ARFGEF1: variants seen among roughly 807,000 people sequenced by gnomAD.
ARFGEF1 encodes ARF guanine nucleotide exchange factor 1.
A neutral mutation model predicts 231.0 loss-of-function variants in ARFGEF1; 42 were observed. The ratio of observed to expected loss-of-function variants is 0.18; its 90% confidence interval spans 0.14 to 0.24. The LOEUF (loss-of-function observed/expected upper bound fraction) is 0.24, where lower values mean the gene tolerates loss of function less well. ARFGEF1 is among the 10% of genes least tolerant of loss of function. The pLI is 1.00. For synonymous variants in ARFGEF1, 710 were observed against 732.3 expected (o/e 0.97, Z 0.49); for missense variants, 1,345 against 2,192.0 (o/e 0.61, Z 7.72).
intron 33 of ARFGEF1, among the ~76,000 whole-genome samples, chr8:67,214,040 G>A (rs1242968088): frequency 6.6e-6 from 1 of 152,204 alleles, no homozygotes. Flanking sequence ...GAAGAGTTCT[G>A]AGACACATGA....
chr8:67,193,394 G>A (rs902374931), downstream of ARFGEF1: 20 of 1,399,434 alleles, frequency 1.4e-5, no homozygotes, highest in Admixed American at 3.5e-4. Flanking sequence ...ACCATGCCTG[G>A]CCCTGATTCA....
Position 67,198,200 on chromosome 8 carries a change from T to G in ARFGEF1, c.*734A>C. Reference sequence around the variant, plus strand: ...TGTCGGCCACAACAGCTTCTGGGCATGTTACAGCCTCAAAATCACCACCTA... The same window carrying G: ...TGTCGGCCACAACAGCTTCTGGGCAGGTTACAGCCTCAAAATCACCACCTA... On this transcript the variant is annotated 3_prime_UTR_variant, in exon 39 of 39. Transcript: ENST00000262215. 1.0e-6 allele frequency: 1 copy of G among 985,804 alleles called. No homozygotes were observed. The allele number at this position is 985,804 out of a possible 1,614,324, so 61.1% of individuals were successfully genotyped here. A position where few individuals can be genotyped will look rare whatever the true frequency, so the allele number is the denominator to read the frequency against.
At chr8:67,240,873 T>C (rs1839906958) in intron 19 of ARFGEF1, among the ~76,000 whole-genome samples, 1 of 152,204 alleles carries the variant, frequency 6.6e-6, no homozygotes, top group Non-Finnish European at 1.5e-5. Flanking sequence ...AAATACTTAC[T>C]GAAATTTTAC....
chr8:67,318,256 A>G (rs1347378255), intron 1 of ARFGEF1, among the ~76,000 whole-genome samples: 3 of 151,648 alleles, frequency 2.0e-5, no homozygotes, highest in African/African-American at 7.3e-5. Context: ...AAAAAAAAAA[A>G]AAGGCTAAAG....
Position 67,198,338 on chromosome 8 carries a change from A to G in ARFGEF1, c.*596T>C. On this transcript the variant is annotated 3_prime_UTR_variant, in exon 39 of 39. Coordinates refer to ENST00000262215, the MANE Select transcript of ARFGEF1 (RefSeq NM_006421.5). ...ATTTAGCAAATGAATAAGAAAATAA[A>G]GAAAACAGTGCAGGAAGAACTATAT... The G allele has an allele frequency of 2.0e-6, 2 of 984,372 alleles. No homozygotes were observed. Among genetic ancestry groups the G allele is most frequent in the Non-Finnish European group, 1.2e-6 (1 of 828,584 alleles). The allele number at this position is 984,372 out of a possible 1,614,324, so 61.0% of individuals were successfully genotyped here.
At chr8:67,201,762 G>T in intron 36 of ARFGEF1, 157 bp from the exon 37 acceptor site, 1 of 961,724 alleles carries the variant, frequency 1.0e-6, no homozygotes, top group Non-Finnish European at 1.5e-6. Context: ...TGATTTCCAT[G>T]TCCAGAATTC....
chr8:67,257,717 TAAAAG>T lies in ARFGEF1; in HGVS notation c.2526+10_2526+14del, dbSNP rs1240445801. The T allele has an allele frequency of 7.7e-6, 12 of 1,565,332 alleles. No homozygotes were observed. The highest frequency in any genetic ancestry group is 1.2e-5 in the South Asian group (1 of 86,198). ...TGTACCGCTTATTGTAAAACTGACT[TAAAAG>T]AAAACATACCTGTGGACTGTGAAGG... On this transcript the variant is annotated intron_variant, in intron 17 of 38. Transcript: ENST00000262215.
chr8:67,180,023 T>TAAA, intron 5 of ARFGEF1: 5 of 472,964 alleles, frequency 1.1e-5, no homozygotes, highest in Non-Finnish European at 1.8e-5. Flanking sequence ...TACAAGGTAG[T>TAAA]AAAAAAAAAA....
rs866284030 is a variant in ARFGEF1 at position 67,197,970 on chromosome 8, A to G, written c.*964T>C. 8.1e-6 allele frequency: 8 copies of G among 985,878 alleles called. No individual in the cohort carries two copies. The Middle Eastern group carries it at 2.6e-3, about 322-fold the overall frequency. 61.1% of individuals were successfully genotyped at this position (985,878 alleles called of 1,614,324 possible). ...ATATATTCAACGTTAAATTCTGTACATAGAGTAAAATCTACATCAAGCCCC... is the reference window on the plus strand; with the variant it reads ...ATATATTCAACGTTAAATTCTGTACGTAGAGTAAAATCTACATCAAGCCCC... On this transcript the variant is annotated 3_prime_UTR_variant, in exon 39 of 39. Coordinates refer to ENST00000262215, the MANE Select transcript of ARFGEF1 (RefSeq NM_006421.5).
intron 19 of ARFGEF1, among the ~76,000 whole-genome samples, chr8:67,241,472 G>A (rs1422923417): frequency 1.3e-5 from 2 of 151,554 alleles, no homozygotes; most frequent in Non-Finnish European, 2.9e-5. Flanking sequence ...TCTTAAGGCA[G>A]TGAAAAAAAA....
At chr8:67,287,639 T>G (rs1805815543) in intron 7 of ARFGEF1, among the ~76,000 whole-genome samples, 1 of 152,222 alleles carries the variant, frequency 6.6e-6, no homozygotes, top group Non-Finnish European at 1.5e-5. Flanking sequence ...TATCCATATT[T>G]TTGTCTCCAT....
chr8:67,295,874 C>T (rs778537096), intron 5 of ARFGEF1, among the ~76,000 whole-genome samples: 19 of 152,116 alleles, frequency 1.2e-4, no homozygotes, highest in Non-Finnish European at 2.4e-4. Flanking sequence ...CAACTTTTCT[C>T]TACGTTTAAA....
At position 67,227,464 on chromosome 8, in the gene ARFGEF1, A is replaced by G. The variant is rs374997079; in HGVS notation, c.3726T>C (p.His1242=). 14 of 1,612,706 alleles carry G rather than the reference A, an allele frequency of 8.7e-6. No homozygotes were observed. Among genetic ancestry groups the G allele is most frequent in the Admixed American group, 5.0e-5 (3 of 59,920 alleles). ...TATAGTACCTGTTCCGTTTCATTAT[A>G]TGTTCAAAAGGTCTTAAGAAATCCT... The part of the protein sequence containing the change: ...FQKDFLRPFE[H]IMKRNRSPTI... The change falls in exon 26 of 39, where the codon CAT becomes CAC. Residue 1242 remains histidine (H), a synonymous_variant. Coordinates refer to ENST00000262215, the MANE Select transcript of ARFGEF1 (RefSeq NM_006421.5).
At chr8:67,277,172 T>C in intron 8 of ARFGEF1, 110 bp downstream of exon 8, 1 of 1,122,588 alleles carries the variant, frequency 8.9e-7, no homozygotes, top group Non-Finnish European at 1.3e-6. Flanking sequence ...CCAAACTAAA[T>C]AAAAATCAGG....
At chr8:67,272,823 T>G (rs1055707127) in intron 9 of ARFGEF1, among the ~76,000 whole-genome samples, 1 of 152,064 alleles carries the variant, frequency 6.6e-6, no homozygotes, top group African/African-American at 2.4e-5. Context: ...TTAAAAACTT[T>G]AAGGCCAGGC....
intron 7 of ARFGEF1, among the ~76,000 whole-genome samples, chr8:67,278,255 C>T (rs1805392008): frequency 6.6e-6 from 1 of 152,046 alleles, no homozygotes; most frequent in African/African-American, 2.4e-5. Context: ...TATTAAAGAC[C>T]TGTGTTTCAA....
At chr8:67,280,775 GA>G (rs1805500885) in intron 7 of ARFGEF1, among the ~76,000 whole-genome samples, 1 of 152,162 alleles carries the variant, frequency 6.6e-6, no homozygotes, top group African/African-American at 2.4e-5. Context: ...GACACCTCAT[GA>G]ATTTTGGAAA....
intron 19 of ARFGEF1, among the ~76,000 whole-genome samples, chr8:67,242,587 C>T (rs1839964394): frequency 6.6e-6 from 1 of 152,192 alleles, no homozygotes; most frequent in Admixed American, 6.5e-5. Flanking sequence ...GGGTGAGACT[C>T]AGTACATTCC....
chr8:67,195,427 T>G, downstream of ARFGEF1: 2 of 1,614,142 alleles, frequency 1.2e-6, no homozygotes, highest in Non-Finnish European at 1.7e-6. Context: ...ATGAAACACA[T>G]AGGGGATGAC....
Sources: gnomAD v4.1 joint callset for allele counts (sites outside exome capture counted in the v4.1 genomes callset) on GRCh38, gnomAD v4.1.1 for gene constraint, MANE v1.5 for transcripts, NCBI Gene and HGNC (gene_info 2026-07-23, HGNC 2026-07-21) for gene names.